MSR1: variants seen among roughly 807,000 people sequenced by gnomAD.
MSR1 encodes macrophage scavenger receptor 1, also known as macrophage scavenger receptor types I and II.
Under a neutral mutation model 47.2 loss-of-function variants are expected in MSR1, and 53 were observed. The observed-to-expected ratio is 1.12, with a 90% CI of 0.90 to 1.41. MSR1 has a LOEUF of 1.41. Among genes scored for constraint, MSR1 ranks in the 40% most tolerant of loss-of-function variants. The pLI, the probability that MSR1 is intolerant of heterozygous loss-of-function variation, is 0.00. For missense variants in MSR1, 786 were observed against 546.9 expected, an observed-to-expected ratio of 1.44 and a Z score of -4.36; for synonymous variants, 239 against 185.6, an observed-to-expected ratio of 1.29 and a Z score of -2.34.
intron 8 of MSR1, among the ~76,000 whole-genome samples, chr8:16,132,188 T>C (rs1269866281): frequency 6.6e-6 from 1 of 152,086 alleles, no homozygotes; most frequent in Non-Finnish European, 1.5e-5. Context: ...TAGTTCTCCT[T>C]GTAGAAGTCC....
chr8:16,186,811 A>G (rs78482093), intron 1 of MSR1, among the ~76,000 whole-genome samples: 21,172 of 151,562 alleles, frequency 0.14, 1,954 homozygotes, highest in African/African-American at 0.25. Flanking sequence ...ATGCAGTCTT[A>G]CTATGTTGCC....
intron 9 of MSR1, among the ~76,000 whole-genome samples, chr8:16,116,816 T>C (rs1454034833): frequency 1.3e-5 from 2 of 152,120 alleles, no homozygotes; most frequent in African/African-American, 4.8e-5. Context: ...GTAACTCCAG[T>C]GGAAAAATAT....
rs570748966 is a variant in MSR1, at chr8:16,118,513, T to C, written c.1222+1905A>G. 1.3e-4 allele frequency among the ~76,000 whole-genome samples: 20 copies of C among 152,156 alleles called. No homozygotes were observed. In the East Asian group the frequency reaches 3.9e-3, roughly 29 times the overall value. On this transcript the variant is annotated intron_variant, in intron 9 of 9. Transcript: ENST00000262101. ...AGCACTTTGGGAAGCCAAAAATAACTACCAAATATACAAAAACTAGCCAGG... is the reference window on the plus strand; with the variant it reads ...AGCACTTTGGGAAGCCAAAAATAACCACCAAATATACAAAAACTAGCCAGG...
At chr8:16,177,746 C>T (rs1801692530) in intron 2 of MSR1, 140 bp downstream of exon 2, 3 of 693,448 alleles carry the variant, frequency 4.3e-6, no homozygotes, top group Non-Finnish European at 7.7e-6. Flanking sequence ...TTTATTCTGT[C>T]TCAAGAATAC....
At chr8:16,167,113 A>T (rs1283682740) in intron 4 of MSR1, among the ~76,000 whole-genome samples, 1 of 152,214 alleles carries the variant, frequency 6.6e-6, no homozygotes, top group Non-Finnish European at 1.5e-5. Flanking sequence ...AGTGTAATCT[A>T]TCGAAACTCA....
Position 16,132,055 on chromosome 8 carries a change from T to C in MSR1, c.1034-11449A>G, listed in dbSNP as rs549526410. ...CATTGGTAGTTTGAGAGGAATAGCATTGAATGTATAAATTGCTTTGGGTGG... is the reference window on the plus strand; with the variant it reads ...CATTGGTAGTTTGAGAGGAATAGCACTGAATGTATAAATTGCTTTGGGTGG... On this transcript the variant is annotated intron_variant, in intron 8 of 9. Transcript: ENST00000262101. Among the ~76,000 whole-genome samples, 458 of 152,168 alleles carry C rather than the reference T, an allele frequency of 3.0e-3. 3 individuals are homozygous for C. Among genetic ancestry groups the C allele is most frequent in the Non-Finnish European group, 4.8e-3 (329 of 67,972 alleles).
chr8:16,153,049 T>C (rs1800903777), intron 6 of MSR1, among the ~76,000 whole-genome samples: 2 of 152,090 alleles, frequency 1.3e-5, no homozygotes, highest in Non-Finnish European at 2.9e-5. Flanking sequence ...AATTCTACTA[T>C]ATTTAATGTA....
intron 6 of MSR1, among the ~76,000 whole-genome samples, chr8:16,151,636 G>A (rs1306176098): frequency 1.3e-5 from 2 of 152,124 alleles, no homozygotes; most frequent in Admixed American, 6.6e-5. Context: ...GACAATATAA[G>A]TACAGTTACA....
rs1337176011 is a variant in MSR1, at chr8:16,139,758, AAAAAAAAAAAAAAAAAATATAT to A, written c.1033+3778_1033+3799del. On this transcript the variant is annotated intron_variant, in intron 8 of 9. Coordinates refer to ENST00000262101, the MANE Select transcript of MSR1 (RefSeq NM_138715.3). ...TACACTTCAAAACTTAAAAAAAAAA[AAAAAAAAAAAAAAAAAATATAT>A]ATATATATATATATATATATATATA... 3 of 156,118 alleles carry A rather than the reference AAAAAAAAAAAAAAAAAATATAT, an allele frequency of 1.9e-5. No individual in the cohort carries two copies. The African/African-American group carries it at 2.6e-4, about 13-fold the overall frequency. The allele number at this position is 156,118 out of a possible 1,614,324, so 9.7% of individuals were successfully genotyped here.
chr8:16,118,116 ACTTTT>A (rs767140751), intron 9 of MSR1, among the ~76,000 whole-genome samples: 4 of 152,154 alleles, frequency 2.6e-5, no homozygotes, highest in Admixed American at 1.3e-4. Context: ...ATTTTAGGAT[ACTTTT>A]CTTTTTTTTA....
rs1296533085 is a variant in MSR1 at position 16,164,158 on chromosome 8, C to T, written c.724G>A (p.Gly242Arg). ...EQVHLEQEIK[G>R]EVKVLNNITN... is the part of the protein sequence containing the mutation. ...ATGTTATTCAGTACTTTCACTTCTCCTTTTATTTCCTGTTCCAAATGCACT... is the reference window on the plus strand; with the variant it reads ...ATGTTATTCAGTACTTTCACTTCTCTTTTTATTTCCTGTTCCAAATGCACT... Residue 242 changes from glycine (G) to arginine (R), a missense_variant, in exon 5 of 10, where the codon GGA becomes AGA. Transcript: ENST00000262101. The T allele has an allele frequency of 6.2e-7, 1 of 1,612,022 alleles. No individual in the cohort carries two copies. Among genetic ancestry groups the T allele is most frequent in the Non-Finnish European group, 8.5e-7 (1 of 1,178,642 alleles).
chr8:16,114,087 C>T (rs1799822905), intron 9 of MSR1, among the ~76,000 whole-genome samples: 1 of 152,126 alleles, frequency 6.6e-6, no homozygotes, highest in Non-Finnish European at 1.5e-5. Context: ...AAACATTCAA[C>T]ATGCAAGGAG....
intron 8 of MSR1, among the ~76,000 whole-genome samples, chr8:16,127,091 A>G (rs1013428407): frequency 2.0e-5 from 3 of 152,170 alleles, no homozygotes; most frequent in Non-Finnish European, 4.4e-5. Flanking sequence ...AAAAAGTATC[A>G]TATATTAAAT....
At chr8:16,181,344 T>C (rs1201177102) in intron 1 of MSR1, among the ~76,000 whole-genome samples, 1 of 152,114 alleles carries the variant, frequency 6.6e-6, no homozygotes, top group Non-Finnish European at 1.5e-5. Context: ...CTCCATATCC[T>C]CTCCAGCATC....
chr8:16,187,120 T>C (rs1335372179), intron 1 of MSR1, among the ~76,000 whole-genome samples: 2 of 151,842 alleles, frequency 1.3e-5, no homozygotes, highest in East Asian at 1.9e-4. Flanking sequence ...TCCTGCACTT[T>C]GGGAGGCTGA....
chr8:16,135,460 G>T (rs1455277949), intron 8 of MSR1, among the ~76,000 whole-genome samples: 4 of 151,864 alleles, frequency 2.6e-5, no homozygotes, highest in African/African-American at 9.7e-5. Flanking sequence ...TTATTGCTGA[G>T]AAAAAAAATC....
At chr8:16,137,467 T>G (rs1488384397) in intron 8 of MSR1, among the ~76,000 whole-genome samples, 4 of 152,222 alleles carry the variant, frequency 2.6e-5, no homozygotes, top group African/African-American at 9.6e-5. Flanking sequence ...TCTCTTTCCC[T>G]CTCTTTCTCT....
intron 5 of MSR1, among the ~76,000 whole-genome samples, chr8:16,155,473 T>C (rs1374479638): frequency 6.6e-6 from 1 of 151,974 alleles, no homozygotes; most frequent in African/African-American, 2.4e-5. Flanking sequence ...GTTGTACGCA[T>C]CCTAGGCAGT....
intron 6 of MSR1, among the ~76,000 whole-genome samples, chr8:16,153,184 G>C (rs1325598298): frequency 1.3e-5 from 2 of 151,908 alleles, no homozygotes; most frequent in Non-Finnish European, 2.9e-5. Flanking sequence ...TGTAGAGATG[G>C]GGAAGCAATA....
Sources: gnomAD v4.1 joint callset for allele counts (sites outside exome capture counted in the v4.1 genomes callset) on GRCh38, gnomAD v4.1.1 for gene constraint, MANE v1.5 for transcripts, NCBI Gene and HGNC (gene_info 2026-07-23, HGNC 2026-07-21) for gene names.